GOLGA3: variants seen among roughly 807,000 people sequenced by gnomAD.
GOLGA3 encodes golgin A3.
In GOLGA3, 75 loss-of-function variants were observed where a neutral mutation model predicts 169.4. The observed-to-expected ratio is 0.44, with a 90% CI of 0.37 to 0.54. The LOEUF is 0.54. GOLGA3 is among the 20% of genes least tolerant of loss of function. The pLI, the probability that GOLGA3 is intolerant of heterozygous loss-of-function variation, is 0.00. For missense variants in GOLGA3, 1,899 were observed against 1,930.0 expected (o/e 0.98, Z 0.30); for synonymous variants, 824 against 822.4 (o/e 1.00, Z -0.03).
rs766808264 is a variant in GOLGA3, at chr12:132,777,916, C to T, written c.3583-111G>A. 323 of 1,208,334 alleles carry T rather than the reference C, an allele frequency of 2.7e-4. 1 individual carries two copies. The highest frequency in any genetic ancestry group is 1.2e-3 in the Middle Eastern group (6 of 5,124). The allele number at this position is 1,208,334 out of a possible 1,614,324, so 74.9% of individuals were successfully genotyped here. A position where few individuals can be genotyped will look rare whatever the true frequency, so the allele number is the denominator to read the frequency against. On this transcript the variant is annotated intron_variant, in intron 18 of 23. Coordinates refer to ENST00000450791, the MANE Select transcript of GOLGA3 (RefSeq NM_001389683.1). The surrounding 1 kb of genome is among the most constrained non-coding windows in gnomAD (Gnocchi z 4.7). The stretch of plus-strand genomic sequence containing the variant: ...CCGGCCCCGTGCATGTCCTGGCTGC[C>T]GGCGTGTGCTTCTCCACAGGCCTGT...
At chr12:132,823,220 G>A (rs892541269) in intron 1 of GOLGA3, among the ~76,000 whole-genome samples, 8 of 152,322 alleles carry the variant, frequency 5.3e-5, no homozygotes, top group Non-Finnish European at 8.8e-5. Context: ...CTGCCCTGCC[G>A]GGCTACATTC....
intron 23 of GOLGA3, among the ~76,000 whole-genome samples, chr12:132,773,616 G>A (rs1242676240): frequency 6.6e-6 from 1 of 152,238 alleles, no homozygotes; most frequent in Admixed American, 6.5e-5. Context: ...GCCTCAGGCT[G>A]CCAGGTGCAC....
At chr12:132,798,019 G>C (rs941856369) in intron 9 of GOLGA3, among the ~76,000 whole-genome samples, 2 of 152,224 alleles carry the variant, frequency 1.3e-5, no homozygotes, top group African/African-American at 4.8e-5. Flanking sequence ...TGACAGCCGG[G>C]GGCCCAGGCC....
Position 132,820,945 on chromosome 12 carries a change from C to T in GOLGA3, c.133+1051G>A, listed in dbSNP as rs766294515. ...TGAAACCCCGTCTCTACTAAAAATA[C>T]AAAAAATAGCTGGGTGTGGTGGCAG... is the stretch of plus-strand genomic sequence containing the variant. On this transcript the variant is annotated intron_variant, in intron 2 of 23. Transcript: ENST00000450791. 2.0e-3 allele frequency among the ~76,000 whole-genome samples: 309 copies of T among 151,670 alleles called. 5 individuals carry two copies. Among genetic ancestry groups the T allele is most frequent in the Non-Finnish European group, 6.9e-4 (47 of 67,854 alleles).
chr12:132,781,119 C>G (rs973324415), intron 17 of GOLGA3, among the ~76,000 whole-genome samples: 1 of 152,190 alleles, frequency 6.6e-6, no homozygotes, highest in Non-Finnish European at 1.5e-5. Flanking sequence ...GAACGTGGCA[C>G]GCCTGTGGGC....
intron 16 of GOLGA3, chr12:132,783,848 T>C: frequency 4.3e-6 from 6 of 1,380,230 alleles, no homozygotes; most frequent in South Asian, 1.6e-5. Context: ...AGTGCTGGGA[T>C]TACAGGCATG....
chr12:132,811,095 A>C (rs1031489629), intron 4 of GOLGA3, among the ~76,000 whole-genome samples: 2 of 152,164 alleles, frequency 1.3e-5, no homozygotes, highest in African/African-American at 4.8e-5. Flanking sequence ...TTATCATTGG[A>C]GATGACTCAC....
chr12:132,815,771 G>A (rs997591581), intron 3 of GOLGA3, among the ~76,000 whole-genome samples: 7 of 152,228 alleles, frequency 4.6e-5, no homozygotes, highest in East Asian at 1.9e-4. Flanking sequence ...GTGGTGACAC[G>A]CACCTGTGGT....
At chr12:132,813,515 T>G in intron 3 of GOLGA3, 96 bp from the exon 4 acceptor site, 1 of 644,144 alleles carries the variant, frequency 1.6e-6, no homozygotes, top group Non-Finnish European at 2.8e-6. Context: ...TAATTACCCA[T>G]ATACTTTACA....
Position 132,772,940 on chromosome 12 carries a change from T to G in GOLGA3, c.*165A>C. ...AAAAGCTAATTGTGATCTTCGAATG[T>G]TTTTCTAGTCCTTGGCTCTCATTCT... On this transcript the variant is annotated 3_prime_UTR_variant, in exon 24 of 24. Transcript: ENST00000450791. 1 of 548,022 alleles carries G rather than the reference T, an allele frequency of 1.8e-6. No homozygotes were observed. The highest frequency in any genetic ancestry group is 3.2e-6 in the Non-Finnish European group (1 of 309,896). 33.9% of individuals were successfully genotyped at this position (548,022 alleles called of 1,614,324 possible). A position where few individuals can be genotyped will look rare whatever the true frequency, so the allele number is the denominator to read the frequency against.
chr12:132,820,738 A>G (rs922301792), intron 2 of GOLGA3, among the ~76,000 whole-genome samples: 2 of 152,126 alleles, frequency 1.3e-5, no homozygotes, highest in Non-Finnish European at 2.9e-5. Flanking sequence ...GTGCTCCGTA[A>G]TCCTTAGATC....
chr12:132,801,804 G>A lies in GOLGA3; in HGVS notation c.1763C>T (p.Ala588Val). Reference sequence around the variant, plus strand: ...CATCTCACCCTGCAGCCTGACGCGGGCCTCCTGTGCCAGGGCGAGCTGCTG... The same window carrying A: ...CATCTCACCCTGCAGCCTGACGCGGACCTCCTGTGCCAGGGCGAGCTGCTG... ...YQQQLALAQE[A>V]RVRLQGEMAH... The change falls in exon 8 of 24, where the codon GCC becomes GTC. Residue 588 changes from alanine to valine, a missense_variant. Physicochemically the swap from Ala to Val is moderately conservative, Grantham distance 64 (BLOSUM62 0). Transcript: ENST00000450791. 1 of 1,611,350 alleles carries A rather than the reference G, an allele frequency of 6.2e-7. No individual in the cohort carries two copies.
chr12:132,806,582 C>T (rs1181447988), intron 6 of GOLGA3, among the ~76,000 whole-genome samples: 2 of 152,260 alleles, frequency 1.3e-5, no homozygotes, highest in African/African-American at 2.4e-5. Context: ...AGGAGGCTCC[C>T]TCAGCTGTGT....
chr12:132,789,352 G>A (rs987193540), intron 12 of GOLGA3, 62 bp from the exon 13 acceptor site: 1 of 1,425,608 alleles, frequency 7.0e-7, no homozygotes, highest in Non-Finnish European at 9.3e-7. Flanking sequence ...CGTACCTGGG[G>A]GTCAAGCTGG....
chr12:132,794,028 C>G (rs1209833700), intron 11 of GOLGA3, among the ~76,000 whole-genome samples: 1 of 152,220 alleles, frequency 6.6e-6, no homozygotes, highest in African/African-American at 2.4e-5. Context: ...AGGAGCCCCC[C>G]TGCGAAGGAT....
chr12:132,801,637 G>T, intron 8 of GOLGA3, 130 bp downstream of exon 8: 1 of 831,714 alleles, frequency 1.2e-6, no homozygotes, highest in Non-Finnish European at 1.9e-6. Flanking sequence ...GACACGGGGT[G>T]GGCTGGACAG....
At chr12:132,820,560 A>G (rs570750700) in intron 2 of GOLGA3, among the ~76,000 whole-genome samples, 1 of 152,130 alleles carries the variant, frequency 6.6e-6, no homozygotes, top group African/African-American at 2.4e-5. Context: ...CCTGAGTATC[A>G]TTTTACAGGA....
At position 132,816,543 on chromosome 12, in the gene GOLGA3, G is replaced by C. The variant is rs761537283; in HGVS notation, c.403C>G (p.Leu135Val). 1 of 1,612,474 alleles carries C rather than the reference G, an allele frequency of 6.2e-7. No homozygotes were observed. The highest frequency in any genetic ancestry group is 1.1e-5 in the South Asian group (1 of 91,072). Residue 135 changes from leucine (L) to valine (V), a missense_variant, in exon 3 of 24, where the codon CTG becomes GTG. Transcript: ENST00000450791. ...AAGCGGGGTAACGGATGCTTACACA[G>C]TTGCGTTTCTTGCATAGGAAGACTG... ...RLSLPMQETQ[L>V]CSTDSPLPLE... is the part of the protein sequence containing the mutation.
chr12:132,820,973 G>T (rs2008298), intron 2 of GOLGA3, among the ~76,000 whole-genome samples: 1 of 151,390 alleles, frequency 6.6e-6, no homozygotes, highest in African/African-American at 2.4e-5. Flanking sequence ...GGTGGCAGGT[G>T]CCTGTAGTCC....
Sources: gnomAD v4.1 joint callset for allele counts (sites outside exome capture counted in the v4.1 genomes callset) on GRCh38, gnomAD v4.1.1 for gene constraint, Gnocchi (gnomAD v3.1) non-coding constraint, MANE v1.5 for transcripts, NCBI Gene and HGNC (gene_info 2026-07-23, HGNC 2026-07-21) for gene names.